Variants in DYNC1I1 observed in about 807,000 individuals in gnomAD.
The protein encoded by DYNC1I1 is cytoplasmic dynein 1 intermediate chain 1.
Under a neutral mutation model 86.6 loss-of-function variants are expected in DYNC1I1, and 43 were observed. The observed-to-expected ratio is 0.50, with a 90% CI of 0.39 to 0.64. The LOEUF is 0.64. Among genes scored for constraint, DYNC1I1 ranks in the 30% least tolerant of loss-of-function variants. The probability of loss-of-function intolerance (pLI) is 0.00; values close to 1 mark genes in which losing one functional copy is unlikely to be tolerated. For missense variants in DYNC1I1, 604 were observed against 788.8 expected (o/e 0.77, Z 2.81); for synonymous variants, 262 against 283.7 (o/e 0.92, Z 0.77).
chr7:95,940,328 A>T (rs2116442097), intron 6 of DYNC1I1, among the ~76,000 whole-genome samples: 1 of 152,030 alleles, frequency 6.6e-6, no homozygotes, highest in East Asian at 1.9e-4. Flanking sequence ...GTATTTCCTG[A>T]ATCTGAATGT....
At chr7:96,043,167 C>CAA (rs111888029) in intron 14 of DYNC1I1, among the ~76,000 whole-genome samples, 40 of 63,490 alleles carry the variant, frequency 6.3e-4, no homozygotes, top group African/African-American at 1.6e-3. Context: ...GACTCCATCT[C>CAA]AAAAAAAAAA....
Position 95,986,891 on chromosome 7 carries a change from A to G in DYNC1I1, c.744-165A>G, listed in dbSNP as rs527516652. On this transcript the variant is annotated intron_variant, in intron 8 of 16. Coordinates refer to ENST00000447467, the MANE Select transcript of DYNC1I1 (RefSeq NM_001135556.2). ...TCAGGTTAGAAAGAGCTTTTCATAA[A>G]GAAGACCATCTTTAGTTCATTAATT... Among the ~76,000 whole-genome samples, 4 of 152,262 alleles carry G rather than the reference A, an allele frequency of 2.6e-5. No homozygotes were observed. In the East Asian group the frequency reaches 7.8e-4, roughly 30 times the overall value.
At chr7:95,974,944 A>G (rs373370650) in intron 6 of DYNC1I1, among the ~76,000 whole-genome samples, 2 of 152,078 alleles carry the variant, frequency 1.3e-5, no homozygotes, top group African/African-American at 4.8e-5. Context: ...TGGCATTTCT[A>G]TTTCACATCA....
intron 6 of DYNC1I1, among the ~76,000 whole-genome samples, chr7:95,936,954 T>TCACACACACACACACACACA (rs1491214381): frequency 7.6e-3 from 246 of 32,506 alleles, no homozygotes; most frequent in Non-Finnish European, 0.012. Flanking sequence ...AAAGAATATG[T>TCACACACACACACACACACA]CTCACACACA....
chr7:96,008,452 A>C (rs1460815079), intron 10 of DYNC1I1, among the ~76,000 whole-genome samples: 1 of 152,208 alleles, frequency 6.6e-6, no homozygotes, highest in Non-Finnish European at 1.5e-5. Context: ...TAATACCCCT[A>C]CTGAAGAATG....
intron 6 of DYNC1I1, among the ~76,000 whole-genome samples, chr7:95,949,515 C>T (rs1048838423): frequency 3.9e-5 from 6 of 152,162 alleles, no homozygotes; most frequent in African/African-American, 7.2e-5. Flanking sequence ...CAGAGTATCT[C>T]GCTTTTAATG....
At chr7:95,979,791 C>T (rs900276156) in intron 7 of DYNC1I1, among the ~76,000 whole-genome samples, 1 of 152,084 alleles carries the variant, frequency 6.6e-6, no homozygotes, top group African/African-American at 2.4e-5. Context: ...CCACAGAAGA[C>T]ACAAGGCTTA....
intron 5 of DYNC1I1, among the ~76,000 whole-genome samples, chr7:95,861,734 T>C (rs73228434): frequency 0.038 from 5,782 of 152,256 alleles, 156 homozygotes; most frequent in Middle Eastern, 0.058. Context: ...ATCTAACTGA[T>C]TCAGGTGGAC....
chr7:96,077,648 A>G (rs958696233), intron 15 of DYNC1I1, among the ~76,000 whole-genome samples: 1 of 152,044 alleles, frequency 6.6e-6, no homozygotes, highest in Non-Finnish European at 1.5e-5. Context: ...TAAAGCAACC[A>G]AAAAAACTAA....
chr7:95,985,587 C>T (rs1173262671), intron 8 of DYNC1I1, among the ~76,000 whole-genome samples: 1 of 152,122 alleles, frequency 6.6e-6, no homozygotes, highest in African/African-American at 2.4e-5. Flanking sequence ...TGACTGTCAA[C>T]CATCATCCTG....
At chr7:95,836,156 AG>A (rs1450589974) in intron 5 of DYNC1I1, among the ~76,000 whole-genome samples, 1 of 151,986 alleles carries the variant, frequency 6.6e-6, no homozygotes, top group African/African-American at 2.4e-5. Flanking sequence ...GAGCTCTTTT[AG>A]GGCAGGCCTG....
At chr7:96,000,474 G>A (rs1793981503) in intron 10 of DYNC1I1, among the ~76,000 whole-genome samples, 1 of 152,122 alleles carries the variant, frequency 6.6e-6, no homozygotes, top group Non-Finnish European at 1.5e-5. Flanking sequence ...CAACTTACAT[G>A]GATCAGACCA....
chr7:96,016,268 A>G (rs1794399977), intron 10 of DYNC1I1, among the ~76,000 whole-genome samples: 1 of 151,090 alleles, frequency 6.6e-6, no homozygotes, highest in Admixed American at 6.6e-5. Flanking sequence ...CAGAAAAACC[A>G]TGTGAAGATG....
intron 6 of DYNC1I1, among the ~76,000 whole-genome samples, chr7:95,901,455 A>T (rs1460805985): frequency 6.6e-6 from 1 of 152,234 alleles, no homozygotes; most frequent in African/African-American, 2.4e-5. Context: ...TATTCTTCAG[A>T]CTGAAGCAGG....
At chr7:95,793,233 G>A (rs1384643935) in intron 1 of DYNC1I1, among the ~76,000 whole-genome samples, 1 of 152,126 alleles carries the variant, frequency 6.6e-6, no homozygotes, top group Non-Finnish European at 1.5e-5. Flanking sequence ...AGGGCAAGCT[G>A]GTAAATATTA....
intron 6 of DYNC1I1, among the ~76,000 whole-genome samples, chr7:95,952,811 T>C (rs959628201): frequency 2.0e-5 from 3 of 152,144 alleles, no homozygotes; most frequent in Non-Finnish European, 4.4e-5. Flanking sequence ...TGTCCTTTTA[T>C]GCATTGTGTT....
intron 6 of DYNC1I1, among the ~76,000 whole-genome samples, chr7:95,887,763 T>TC (rs1790633092): frequency 6.6e-6 from 1 of 152,160 alleles, no homozygotes; most frequent in Admixed American, 6.5e-5. Flanking sequence ...CCAAAGTCCA[T>TC]CCCCTAATAG....
intron 1 of DYNC1I1, among the ~76,000 whole-genome samples, chr7:95,789,310 C>T (rs1382026722): frequency 2.6e-5 from 4 of 152,274 alleles, no homozygotes; most frequent in Non-Finnish European, 4.4e-5. Flanking sequence ...AATCCAAGAG[C>T]GGCATTTAGC....
chr7:95,869,984 C>T lies in DYNC1I1; in HGVS notation c.476C>T (p.Thr159Met), dbSNP rs369627655. Residue 159 changes from threonine to methionine, a missense_variant, in exon 6 of 17, where the codon ACG becomes ATG. Transcript: ENST00000447467. Reference protein sequence around the residue: ...YSKETQTPLATHQSEEDEEDE... With the variant: ...YSKETQTPLAMHQSEEDEEDE... ...AAGGAGACCCAGACTCCTCTTGCCA[C>T]GCATCAGTCTGAAGGTAAACTATGT... The T allele has an allele frequency of 5.8e-5, 93 of 1,613,328 alleles. No individual in the cohort carries two copies. Among genetic ancestry groups the T allele is most frequent in the Admixed American group, 2.0e-4 (12 of 59,888 alleles).
Sources: allele counts gnomAD v4.1 joint callset (sites outside exome capture counted in the v4.1 genomes callset), GRCh38; gene constraint gnomAD v4.1.1; transcripts MANE v1.5; gene names NCBI Gene and HGNC (gene_info 2026-07-23, HGNC 2026-07-21).